CD2AP: variants seen among roughly 807,000 people sequenced by gnomAD.
CD2AP encodes CD2 associated protein.
Under a neutral mutation model 85.1 loss-of-function variants are expected in CD2AP, and 46 were observed. The ratio of observed to expected loss-of-function variants is 0.54; its 90% CI spans 0.43 to 0.69. The LOEUF is 0.69. CD2AP is among the 30% of genes least tolerant of loss of function. The probability of loss-of-function intolerance (pLI) is 0.00; values close to 1 mark genes in which losing one functional copy is unlikely to be tolerated. For missense variants in CD2AP, 769 were observed against 729.5 expected (o/e 1.05, Z -0.62); for synonymous variants, 255 against 252.9 (o/e 1.01, Z -0.08).
At chr6:47,523,940 C>T (rs995670511) in intron 2 of CD2AP, among the ~76,000 whole-genome samples, 2 of 152,102 alleles carry the variant, frequency 1.3e-5, no homozygotes, top group South Asian at 4.1e-4. Flanking sequence ...TTATAACCCT[C>T]CCTCAGCTTT....
chr6:47,478,626 A>T lies in CD2AP; in HGVS notation c.4+378A>T, dbSNP rs115322088. On this transcript the variant is annotated intron_variant, in intron 1 of 17. Transcript: ENST00000359314. ...CCTCCCCCTCCTCGTGGGATGGGGGAGGGCGATCGAAAAACTTGATAAAGT... is the reference window on the plus strand; with the variant it reads ...CCTCCCCCTCCTCGTGGGATGGGGGTGGGCGATCGAAAAACTTGATAAAGT... Among the ~76,000 whole-genome samples, 1,361 of 152,004 alleles carry T rather than the reference A, an allele frequency of 9.0e-3. 23 individuals carry two copies. The highest frequency in any genetic ancestry group is 0.031 in the African/African-American group (1,289 of 41,456).
In CD2AP at chr6:47,624,412, A is replaced by C. The variant is rs1424406657; in HGVS notation, c.*185A>C. ...ATATATATTTTGTTTTGCCAATATG[A>C]AGAAAAAGAGGCCTTATTTCTTAAC... On this transcript the variant is annotated 3_prime_UTR_variant, in exon 18 of 18. Coordinates refer to ENST00000359314, the MANE Select transcript of CD2AP (RefSeq NM_012120.3). The C allele has an allele frequency of 2.8e-5, 16 of 573,350 alleles. No individual in the cohort carries two copies. Among genetic ancestry groups the C allele is most frequent in the Non-Finnish European group, 4.9e-5 (16 of 324,146 alleles). The allele number at this position is 573,350 out of a possible 1,614,324, so 35.5% of individuals were successfully genotyped here.
At position 47,624,244 on chromosome 6, in the gene CD2AP, GT is replaced by G; in HGVS notation, c.*19del. 1 of 1,599,526 alleles carries G rather than the reference GT, an allele frequency of 6.3e-7. No homozygotes were observed. Among genetic ancestry groups the G allele is most frequent in the Non-Finnish European group, 8.6e-7 (1 of 1,167,104 alleles). On this transcript the variant is annotated 3_prime_UTR_variant, in exon 18 of 18. Transcript: ENST00000359314. ...TCTTCTTGAGTGGTGTGGACCTGGT[GT>G]TCATAATGTTCCAGGGATTCAGAAG...
At chr6:47,494,887 G>A (rs771598149) in intron 1 of CD2AP, among the ~76,000 whole-genome samples, 6 of 152,222 alleles carry the variant, frequency 3.9e-5, no homozygotes, top group Admixed American at 6.5e-5. Flanking sequence ...GCTGGGCATG[G>A]TGGCTCACGC....
intron 15 of CD2AP, 131 bp from the exon 16 acceptor site, chr6:47,608,992 A>G: frequency 1.6e-6 from 1 of 625,842 alleles, no homozygotes; most frequent in Non-Finnish European, 2.7e-6. Flanking sequence ...TGTGAACATC[A>G]AATTGCTTTT....
At chr6:47,482,285 A>G (rs537276567) in intron 1 of CD2AP, among the ~76,000 whole-genome samples, 4 of 152,154 alleles carry the variant, frequency 2.6e-5, no homozygotes, top group Non-Finnish European at 5.9e-5. Flanking sequence ...AGTAGTTTAA[A>G]TTTTGTAAAA....
rs985303303 is a variant in CD2AP, at chr6:47,624,296, G to A, written c.*69G>A. On this transcript the variant is annotated 3_prime_UTR_variant, in exon 18 of 18. Coordinates refer to ENST00000359314, the MANE Select transcript of CD2AP (RefSeq NM_012120.3). ...CAACGCTATGAACTTCAGCTGACTT[G>A]TTACTTAAAAATTGTGAATTCTGTT... 3 of 1,233,504 alleles carry A rather than the reference G, an allele frequency of 2.4e-6. No homozygotes were observed. In the East Asian group the frequency reaches 7.0e-5, roughly 29 times the overall value. 76.4% of individuals were successfully genotyped at this position (1,233,504 alleles called of 1,614,324 possible).
intron 16 of CD2AP, 42 bp downstream of exon 16, chr6:47,609,346 A>T: frequency 6.8e-7 from 1 of 1,461,716 alleles, no homozygotes; most frequent in Non-Finnish European, 9.6e-7. Context: ...TACTTAACCC[A>T]TGCATAAAGA....
At chr6:47,514,333 T>C (rs1766397986) in intron 2 of CD2AP, among the ~76,000 whole-genome samples, 1 of 152,248 alleles carries the variant, frequency 6.6e-6, no homozygotes. Flanking sequence ...CTATACCTCA[T>C]TAATTTGTTA....
At chr6:47,496,849 C>T (rs1325552128) in intron 1 of CD2AP, among the ~76,000 whole-genome samples, 1 of 152,152 alleles carries the variant, frequency 6.6e-6, no homozygotes, top group Non-Finnish European at 1.5e-5. Context: ...TTTATAATCT[C>T]ATGTTTTCTC....
chr6:47,533,493 T>A (rs900211590), intron 2 of CD2AP, 109 bp from the exon 3 acceptor site: 37 of 1,033,266 alleles, frequency 3.6e-5, no homozygotes, highest in Non-Finnish European at 4.4e-5. Context: ...CTATTGATAT[T>A]ATGATTTATA....
At chr6:47,518,952 A>G (rs1428195097) in intron 2 of CD2AP, among the ~76,000 whole-genome samples, 2 of 151,378 alleles carry the variant, frequency 1.3e-5, no homozygotes, top group Admixed American at 6.6e-5. Flanking sequence ...CCCTCCCTAC[A>G]CTCCGCCTCT....
intron 5 of CD2AP, 105 bp from the exon 6 acceptor site, chr6:47,573,959 C>G (rs1768228850): frequency 3.0e-6 from 3 of 993,476 alleles, no homozygotes; most frequent in Non-Finnish European, 4.8e-6. Flanking sequence ...AATTTTTTTT[C>G]TACTGTGTTT....
intron 13 of CD2AP, among the ~76,000 whole-genome samples, chr6:47,603,542 TTAATAC>T (rs1769197748): frequency 6.6e-6 from 1 of 152,068 alleles, no homozygotes; most frequent in Non-Finnish European, 1.5e-5. Context: ...CATATTGAAA[TTAATAC>T]TAATATTAAT....
At chr6:47,561,445 T>G (rs1470868294) in intron 5 of CD2AP, among the ~76,000 whole-genome samples, 1 of 152,170 alleles carries the variant, frequency 6.6e-6, no homozygotes, top group Non-Finnish European at 1.5e-5. Flanking sequence ...TACCCTAGTC[T>G]TGGAATCAGC....
At chr6:47,615,792 A>AATTT (rs144113571) in intron 17 of CD2AP, among the ~76,000 whole-genome samples, 17,780 of 117,002 alleles carry the variant, frequency 0.15, 1,595 homozygotes, top group African/African-American at 0.26. Flanking sequence ...AATTTAATTT[A>AATTT]ATTTATTTAT....
chr6:47,554,535 T>A, intron 4 of CD2AP, 111 bp from the exon 5 acceptor site: 1 of 1,037,204 alleles, frequency 9.6e-7, no homozygotes, highest in South Asian at 1.4e-5. Context: ...AAGGGTTTAT[T>A]TCATAGTGCT....
intron 4 of CD2AP, among the ~76,000 whole-genome samples, chr6:47,551,508 A>G (rs1018120316): frequency 6.6e-6 from 1 of 152,194 alleles, no homozygotes; most frequent in Non-Finnish European, 1.5e-5. Context: ...CACATTTATT[A>G]TATCCTTGAA....
Position 47,559,435 on chromosome 6 carries a change from T to A in CD2AP, c.541+4669T>A, listed in dbSNP as rs890424374. On this transcript the variant is annotated intron_variant, in intron 5 of 17. Coordinates refer to ENST00000359314, the MANE Select transcript of CD2AP (RefSeq NM_012120.3). Reference sequence around the variant, plus strand: ...CATGATGCACAGCTAATTAAAAACATTTTTTTTTAAGAGATGGGGCCTCAC... The same window carrying A: ...CATGATGCACAGCTAATTAAAAACAATTTTTTTTAAGAGATGGGGCCTCAC... 2.0e-5 allele frequency among the ~76,000 whole-genome samples: 3 copies of A among 150,640 alleles called. No individual in the cohort carries two copies. In the South Asian group the frequency reaches 6.3e-4, roughly 32 times the overall value.
Sources: gnomAD v4.1 joint callset for allele counts (sites outside exome capture counted in the v4.1 genomes callset) on GRCh38, gnomAD v4.1.1 for gene constraint, MANE v1.5 for transcripts, NCBI Gene and HGNC (gene_info 2026-07-23, HGNC 2026-07-21) for gene names.